Variants in EYS observed in about 807,000 individuals in gnomAD.
EYS encodes the protein EGF-like photoreceptor maintenance factor, also known as protein eyes shut homolog.
Under a neutral mutation model 282.1 loss-of-function variants are expected in EYS, and 250 were observed. The observed-to-expected ratio is 0.89, with a 90% confidence interval of 0.80 to 0.98. The LOEUF is 0.98. Among genes scored for constraint, EYS ranks in the 50% least tolerant of loss-of-function variants. The pLI is 0.00. For missense variants in EYS, 4,016 were observed against 3,709.0 expected (o/e 1.08, Z -2.15); for synonymous variants, 1,355 against 1,282.9 (o/e 1.06, Z -1.20).
At chr6:63,962,617 C>CT (rs1362123929) in intron 35 of EYS, among the ~76,000 whole-genome samples, 5 of 151,952 alleles carry the variant, frequency 3.3e-5, no homozygotes, top group Admixed American at 2.6e-4. Context: ...ACAACAGGTG[C>CT]GGAGAGGATG....
At chr6:64,458,277 T>C (rs931173558) in intron 26 of EYS, among the ~76,000 whole-genome samples, 1 of 152,120 alleles carries the variant, frequency 6.6e-6, no homozygotes, top group African/African-American at 2.4e-5. Context: ...GTCAGTTTTA[T>C]ACTTCTAAAT....
chr6:65,678,319 G>C (rs1422168241), intron 1 of EYS, among the ~76,000 whole-genome samples: 1 of 151,910 alleles, frequency 6.6e-6, no homozygotes, highest in Non-Finnish European at 1.5e-5. Flanking sequence ...GATCTGGAGG[G>C]GACAAACATT....
chr6:64,330,364 G>A (rs1458790195), intron 29 of EYS, among the ~76,000 whole-genome samples: 1 of 152,088 alleles, frequency 6.6e-6, no homozygotes, highest in Non-Finnish European at 1.5e-5. Context: ...CTCACATTTG[G>A]ATTCCAAATT....
intron 19 of EYS, among the ~76,000 whole-genome samples, chr6:64,848,550 A>G (rs1295851238): frequency 6.6e-6 from 1 of 152,074 alleles, no homozygotes; most frequent in Non-Finnish European, 1.5e-5. Flanking sequence ...TTTTCAAACA[A>G]TCAACTCACA....
intron 35 of EYS, among the ~76,000 whole-genome samples, chr6:63,964,275 T>G (rs556692222): frequency 1.3e-5 from 2 of 152,376 alleles, no homozygotes; most frequent in South Asian, 4.1e-4. Context: ...CTGTTTCTTA[T>G]GCTGTGCATC....
chr6:64,157,618 T>A (rs561916890), intron 31 of EYS, among the ~76,000 whole-genome samples: 67 of 152,258 alleles, frequency 4.4e-4, no homozygotes, highest in Non-Finnish European at 8.5e-4. Context: ...GCATCCCAAT[T>A]GCTCCAGCTG....
chr6:64,445,469 A>C (rs1775089794), intron 26 of EYS, among the ~76,000 whole-genome samples: 1 of 152,202 alleles, frequency 6.6e-6, no homozygotes, highest in Non-Finnish European at 1.5e-5. Flanking sequence ...TATACCTATA[A>C]TTTTGTATGC....
intron 29 of EYS, among the ~76,000 whole-genome samples, chr6:64,381,923 C>G (rs1230882074): frequency 1.3e-5 from 2 of 152,172 alleles, no homozygotes; most frequent in East Asian, 1.9e-4. Flanking sequence ...TACTCATCAT[C>G]ATGGGCTTTA....
In EYS at chr6:63,859,111, T is replaced by TTTTTTA. The variant is rs796999871; in HGVS notation, c.7228+5074_7228+5075insTAAAAA. Among the ~76,000 whole-genome samples, 117 of 71,204 alleles carry TTTTTTA rather than the reference T, an allele frequency of 1.6e-3. 46 individuals are homozygous for TTTTTTA. Among genetic ancestry groups the TTTTTTA allele is most frequent in the African/African-American group, 6.8e-3 (107 of 15,790 alleles). 46.7% of individuals were successfully genotyped at this position (71,204 alleles called of 152,430 possible). On this transcript the variant is annotated intron_variant, in intron 36 of 42. Coordinates refer to ENST00000503581, the MANE Select transcript of EYS (RefSeq NM_001142800.2). ...TTTTTTTTTTTTTTTTTTTTTTTTT[T>TTTTTTA]AATAGCTGGGATGGAGATGCAGCCT... is the stretch of plus-strand genomic sequence containing the variant.
chr6:64,764,547 G>T (rs1388794205), intron 22 of EYS, among the ~76,000 whole-genome samples: 3 of 152,198 alleles, frequency 2.0e-5, no homozygotes, highest in Non-Finnish European at 2.9e-5. Context: ...GGGAGGGGCT[G>T]CCATGAATGT....
chr6:63,954,733 C>A (rs1192737872), intron 35 of EYS, among the ~76,000 whole-genome samples: 1 of 152,182 alleles, frequency 6.6e-6, no homozygotes, highest in Admixed American at 6.5e-5. Flanking sequence ...AAACTTCCAC[C>A]TATCAATCTC....
chr6:64,021,827 C>T (rs1769207630), intron 33 of EYS, among the ~76,000 whole-genome samples: 1 of 152,112 alleles, frequency 6.6e-6, no homozygotes, highest in South Asian at 2.1e-4. Flanking sequence ...TTCTCTAGGC[C>T]TCTGTAAGAA....
chr6:64,687,128 A>C (rs1734442277), intron 22 of EYS, among the ~76,000 whole-genome samples: 1 of 151,724 alleles, frequency 6.6e-6, no homozygotes, highest in South Asian at 2.1e-4. Flanking sequence ...CGTAGAAATA[A>C]TGCTAATTCT....
chr6:65,400,764 T>A (rs1252463789), intron 7 of EYS, among the ~76,000 whole-genome samples: 1 of 151,924 alleles, frequency 6.6e-6, no homozygotes, highest in Non-Finnish European at 1.5e-5. Context: ...GAAACTAATA[T>A]CATCATAATC....
intron 12 of EYS, among the ~76,000 whole-genome samples, chr6:65,135,939 G>A (rs1776012443): frequency 6.6e-6 from 1 of 151,998 alleles, no homozygotes; most frequent in Non-Finnish European, 1.5e-5. Context: ...TAAAAATTCT[G>A]TAAAACATGG....
At chr6:65,057,567 T>C in intron 13 of EYS, 47 bp downstream of exon 13, 3 of 1,170,284 alleles carry the variant, frequency 2.6e-6, no homozygotes, top group African/African-American at 1.5e-5. Flanking sequence ...GAAGTGCTTT[T>C]TAAAGTTAAT....
chr6:64,525,136 A>G (rs749183686), intron 26 of EYS, among the ~76,000 whole-genome samples: 1 of 151,868 alleles, frequency 6.6e-6, no homozygotes, highest in Non-Finnish European at 1.5e-5. Context: ...AAGAGCTAAA[A>G]GCAGAACCAC....
At chr6:64,654,390 G>C (rs1768673856) in intron 22 of EYS, among the ~76,000 whole-genome samples, 1 of 152,136 alleles carries the variant, frequency 6.6e-6, no homozygotes, top group African/African-American at 2.4e-5. Context: ...GTTGTCTAGA[G>C]GGAAAGACAG....
intron 26 of EYS, among the ~76,000 whole-genome samples, chr6:64,489,117 T>C (rs1411635559): frequency 1.3e-5 from 2 of 150,912 alleles, no homozygotes; most frequent in Non-Finnish European, 3.0e-5. Context: ...TTCTGTTCTT[T>C]AGTTTTCAGT....
Sources: allele counts gnomAD v4.1 joint callset (sites outside exome capture counted in the v4.1 genomes callset), GRCh38; gene constraint gnomAD v4.1.1; transcripts MANE v1.5; gene names NCBI Gene and HGNC (gene_info 2026-07-23, HGNC 2026-07-21).